BICRAL: variants seen among roughly 807,000 people sequenced by gnomAD.
BICRAL encodes BICRA like chromatin remodeling complex associated protein, also known as BRD4-interacting chromatin-remodeling complex-associated protein-like.
A neutral mutation model predicts 91.8 loss-of-function variants in BICRAL; 8 were observed. That is an observed-to-expected ratio of 0.09 (90% CI 0.05 to 0.16). BICRAL has a LOEUF of 0.16. Among genes scored for constraint, BICRAL ranks in the 10% least tolerant of loss-of-function variants. The pLI is 1.00. For missense variants in BICRAL, 1,038 were observed against 1,310.9 expected (o/e 0.79, Z 3.21); for synonymous variants, 445 against 491.1 (o/e 0.91, Z 1.24).
At chr6:42,790,120 G>T (rs1763226717) in intron 1 of BICRAL, among the ~76,000 whole-genome samples, 1 of 152,040 alleles carries the variant, frequency 6.6e-6, no homozygotes, top group Non-Finnish European at 1.5e-5. Context: ...AAAAAAGTCT[G>T]ATTACAGAAC....
Position 42,828,794 on chromosome 6 carries a change from A to G in BICRAL, c.461A>G (p.Asn154Ser), listed in dbSNP as rs1764379752. Reference sequence around the variant, plus strand: ...TCAGCATCCTTTACTCAGGCTTCTAATGTTTCTAATTACTCAGGTCAGACG... The same window carrying G: ...TCAGCATCCTTTACTCAGGCTTCTAGTGTTTCTAATTACTCAGGTCAGACG... ...SSSASFTQAS[N>S]VSNYSGQTLQ... The change falls in exon 6 of 13, where the codon AAT (asparagine) becomes AGT (serine). Residue 154 changes from asparagine (N) to serine (S), a missense_variant. This residue lies in a region of BICRAL where 532 missense variants were observed against 724.9 expected (regional missense o/e 0.73). Coordinates refer to ENST00000314073, the MANE Select transcript of BICRAL (RefSeq NM_001393499.1). 1 of 1,614,166 alleles carries G rather than the reference A, an allele frequency of 6.2e-7. No individual in the cohort carries two copies. Among genetic ancestry groups the G allele is most frequent in the Non-Finnish European group, 8.5e-7 (1 of 1,180,028 alleles).
intron 6 of BICRAL, among the ~76,000 whole-genome samples, chr6:42,833,882 T>A (rs1582856230): frequency 6.6e-6 from 1 of 152,252 alleles, no homozygotes; most frequent in South Asian, 2.1e-4. Flanking sequence ...AGACGGAGTT[T>A]CGCTCTTTGT....
chr6:42,800,758 A>C (rs774772531), intron 1 of BICRAL, among the ~76,000 whole-genome samples: 1 of 152,096 alleles, frequency 6.6e-6, no homozygotes, highest in Admixed American at 6.6e-5. Flanking sequence ...ATAAAAGGGA[A>C]TCCTCAGTGT....
At chr6:42,834,302 G>A (rs79559296) in intron 6 of BICRAL, among the ~76,000 whole-genome samples, 1 of 152,196 alleles carries the variant, frequency 6.6e-6, no homozygotes, top group Non-Finnish European at 1.5e-5. Flanking sequence ...TTGAACACTT[G>A]CATAAGATGT....
At chr6:42,816,681 C>T (rs754355222) in intron 2 of BICRAL, among the ~76,000 whole-genome samples, 1 of 152,006 alleles carries the variant, frequency 6.6e-6, no homozygotes, top group East Asian at 1.9e-4. Context: ...ATCTTACATG[C>T]ATGTGGCACA....
upstream of BICRAL, among the ~76,000 whole-genome samples, chr6:42,779,197 A>G (rs1305704749): frequency 6.7e-6 from 1 of 149,224 alleles, no homozygotes; most frequent in African/African-American, 2.5e-5. Context: ...AGCCTGAGTC[A>G]CAGAGGGAGA....
intron 2 of BICRAL, among the ~76,000 whole-genome samples, chr6:42,813,027 C>G (rs528897882): frequency 1.5e-4 from 23 of 152,130 alleles, no homozygotes; most frequent in Admixed American, 3.9e-4. Context: ...AGAGCAAAAC[C>G]CTGTCTCAAG....
intron 1 of BICRAL, among the ~76,000 whole-genome samples, chr6:42,802,507 G>A (rs1184366643): frequency 3.3e-5 from 5 of 151,926 alleles, no homozygotes; most frequent in Non-Finnish European, 7.4e-5. Flanking sequence ...GGAGTGCAGT[G>A]GCACGATCTC....
Position 42,864,639 on chromosome 6 carries a change from C to A in BICRAL, c.2453-20C>A, listed in dbSNP as rs527980053. On this transcript the variant is annotated intron_variant, in intron 12 of 12. Coordinates refer to ENST00000314073, the MANE Select transcript of BICRAL (RefSeq NM_001393499.1). Reference sequence around the variant, plus strand: ...CCTCTCCCAATCACTCACTAATGTTCTTTTTGTTCCCATTTCCAGAGGGTT... The same window carrying A: ...CCTCTCCCAATCACTCACTAATGTTATTTTTGTTCCCATTTCCAGAGGGTT... 1 of 1,602,630 alleles carries A rather than the reference C, an allele frequency of 6.2e-7. No individual in the cohort carries two copies. Among genetic ancestry groups the A allele is most frequent in the Non-Finnish European group, 8.5e-7 (1 of 1,173,036 alleles).
intron 1 of BICRAL, among the ~76,000 whole-genome samples, chr6:42,808,652 T>C (rs899931435): frequency 3.3e-4 from 51 of 152,254 alleles, no homozygotes; most frequent in African/African-American, 1.2e-3. Context: ...TGAGTAAGAA[T>C]TGAGCTACTC....
At chr6:42,790,589 A>C (rs958438742) in intron 1 of BICRAL, among the ~76,000 whole-genome samples, 74 of 147,208 alleles carry the variant, frequency 5.0e-4, no homozygotes, top group African/African-American at 1.8e-3. Flanking sequence ...CTTTTTCATG[A>C]GTTTTCTCTG....
intron 8 of BICRAL, among the ~76,000 whole-genome samples, 189 bp downstream of exon 8, chr6:42,853,927 A>G (rs572181937): frequency 1.3e-5 from 2 of 152,282 alleles, no homozygotes; most frequent in East Asian, 3.9e-4. Flanking sequence ...TGTTTCTGAG[A>G]TGAATGTCTA....
chr6:42,747,805 G>GTTTTTTTTTTTTTTTTTT (rs56209754), intron 1 of BICRAL, among the ~76,000 whole-genome samples: 14 of 125,292 alleles, frequency 1.1e-4, no homozygotes, highest in East Asian at 2.3e-4. Context: ...GTTTTATTTT[G>GTTTTTTTTTTTTTTTTTT]TTTTTTTTTT....
intron 1 of BICRAL, among the ~76,000 whole-genome samples, chr6:42,752,912 C>CTTTTTTT (rs57864510): frequency 8.5e-5 from 7 of 82,206 alleles, no homozygotes; most frequent in Admixed American, 1.5e-4. Context: ...CCCCAGCTGA[C>CTTTTTTT]TTTTTTTTTT....
At chr6:42,756,190 G>A (rs908032272) in intron 1 of BICRAL, among the ~76,000 whole-genome samples, 1 of 152,034 alleles carries the variant, frequency 6.6e-6, no homozygotes, top group East Asian at 1.9e-4. Flanking sequence ...CCACTTATCC[G>A]ACTTCTGCCC....
intron 2 of BICRAL, among the ~76,000 whole-genome samples, chr6:42,817,829 T>G (rs1297614718): frequency 6.6e-6 from 1 of 152,002 alleles, no homozygotes; most frequent in Non-Finnish European, 1.5e-5. Context: ...ACATATCATT[T>G]GGCACATGTG....
At chr6:42,804,302 C>T (rs548197761) in intron 1 of BICRAL, among the ~76,000 whole-genome samples, 91 of 152,244 alleles carry the variant, frequency 6.0e-4, no homozygotes, top group African/African-American at 2.0e-3. Flanking sequence ...GGATTACAGG[C>T]GTGAGCCACT....
At chr6:42,806,482 G>A (rs1179294415) in intron 1 of BICRAL, among the ~76,000 whole-genome samples, 1 of 151,856 alleles carries the variant, frequency 6.6e-6, no homozygotes, top group Admixed American at 6.6e-5. Context: ...CAGTAGCTGG[G>A]ACCACAGGCA....
At chr6:42,842,510 C>G (rs1764830428) in intron 6 of BICRAL, among the ~76,000 whole-genome samples, 1 of 152,160 alleles carries the variant, frequency 6.6e-6, no homozygotes, top group Non-Finnish European at 1.5e-5. Context: ...CCAGGCTGAT[C>G]CCCTGTTTTT....
Sources: allele counts gnomAD v4.1 joint callset (sites outside exome capture counted in the v4.1 genomes callset), GRCh38; gene constraint gnomAD v4.1.1; regional missense constraint gnomAD v4.1.1; transcripts MANE v1.5; gene names NCBI Gene and HGNC (gene_info 2026-07-23, HGNC 2026-07-21).